The following MRRF variants were observed in gnomAD, a reference collection of about 807,000 sequenced individuals.
The protein encoded by MRRF is mitochondrial ribosome recycling factor, also known as ribosome-recycling factor, mitochondrial.
In MRRF, 18 loss-of-function variants were observed where a neutral mutation model predicts 25.1. The ratio of observed to expected loss-of-function variants is 0.72; its 90% CI spans 0.50 to 1.06. MRRF has a LOEUF of 1.06. Among genes scored for constraint, MRRF ranks in the 50% least tolerant of loss-of-function variants. The pLI is 0.00. For synonymous variants in MRRF, 113 were observed against 112.1 expected, an observed-to-expected ratio of 1.01 and a Z score of -0.05; for missense variants, 323 against 319.3, an observed-to-expected ratio of 1.01 and a Z score of -0.09.
intron 2 of MRRF, among the ~76,000 whole-genome samples, chr9:122,280,234 T>C (rs1833014730): frequency 2.0e-5 from 3 of 152,238 alleles, no homozygotes; most frequent in South Asian, 4.1e-4. Context: ...TGTCTGATTA[T>C]AAAGTGTGCC....
rs1389807381 is a variant in MRRF, at chr9:122,328,679, ACTTTTT to A, written c.*6067_*6072del. ...GTGATATGTTTAGTAGAACCCATTT[ACTTTTT>A]CTTTATTTTCAGTATTAACATAAGT... On this transcript the variant is annotated 3_prime_UTR_variant, in exon 7 of 7. Coordinates refer to ENST00000344641, the MANE Select transcript of MRRF (RefSeq NM_138777.5). 2.6e-5 allele frequency: 4 copies of A among 152,144 alleles called. No homozygotes were observed. Among genetic ancestry groups the A allele is most frequent in the African/African-American group, 9.7e-5 (4 of 41,442 alleles). 9.4% of individuals were successfully genotyped at this position (152,144 alleles called of 1,614,324 possible).
chr9:122,276,040 TGGGACTATA>T (rs1249884861), intron 2 of MRRF, among the ~76,000 whole-genome samples: 1 of 152,064 alleles, frequency 6.6e-6, no homozygotes, highest in East Asian at 1.9e-4. Context: ...CCCAAGTAGC[TGGGACTATA>T]GGCACTTGCC....
chr9:122,322,763 AG>A lies in MRRF; in HGVS notation c.*150del. ...CTGTCCTTGTAAGGCCCAGCCTTCCAGGGGAACACTCAGACATGTTCATTCT... is the reference window on the plus strand; with the variant it reads ...CTGTCCTTGTAAGGCCCAGCCTTCCAGGGAACACTCAGACATGTTCATTCT... On this transcript the variant is annotated 3_prime_UTR_variant, in exon 7 of 7. Coordinates refer to ENST00000344641, the MANE Select transcript of MRRF (RefSeq NM_138777.5). 2 of 751,694 alleles carry A rather than the reference AG, an allele frequency of 2.7e-6. No individual in the cohort carries two copies. The highest frequency in any genetic ancestry group is 1.7e-5 in the African/African-American group (1 of 57,814). 46.6% of individuals were successfully genotyped at this position (751,694 alleles called of 1,614,324 possible).
chr9:122,304,062 AACACACACACACAC>A (rs66775611), intron 5 of MRRF, among the ~76,000 whole-genome samples: 28 of 139,804 alleles, frequency 2.0e-4, no homozygotes, highest in East Asian at 1.0e-3. Flanking sequence ...ACCCTTTTCT[AACACACACACACAC>A]ACACACACAC....
chr9:122,286,216 A>G (rs2118747527), intron 4 of MRRF: 2 of 1,286,628 alleles, frequency 1.6e-6, no homozygotes, highest in Middle Eastern at 2.2e-4. Flanking sequence ...TTGTATTCCA[A>G]AGTCATAGAC....
intron 4 of MRRF, chr9:122,286,190 T>C (rs1833395629): frequency 7.8e-7 from 1 of 1,288,644 alleles, no homozygotes; most frequent in Non-Finnish European, 1.0e-6. Flanking sequence ...CCTGTTCTTA[T>C]TGTCTATTTC....
intron 4 of MRRF, chr9:122,285,714 C>T: frequency 8.3e-7 from 1 of 1,208,750 alleles, no homozygotes; most frequent in South Asian, 1.5e-5. Flanking sequence ...AAGCTAGTAA[C>T]ACAAATTTTT....
At chr9:122,304,824 A>C (rs73557035) in intron 5 of MRRF, among the ~76,000 whole-genome samples, 3,028 of 152,272 alleles carry the variant, frequency 0.02, 101 homozygotes, top group African/African-American at 0.064. Flanking sequence ...ACAAGAGAGG[A>C]AATAGAGCAG....
intron 5 of MRRF, among the ~76,000 whole-genome samples, chr9:122,305,140 C>G (rs1439956288): frequency 6.6e-6 from 1 of 152,088 alleles, no homozygotes; most frequent in Non-Finnish European, 1.5e-5. Context: ...GCTGGGCACT[C>G]TCTCTCACAC....
At chr9:122,276,943 C>T (rs932853704) in intron 2 of MRRF, among the ~76,000 whole-genome samples, 2 of 152,170 alleles carry the variant, frequency 1.3e-5, no homozygotes, top group African/African-American at 4.8e-5. Flanking sequence ...CCACTGCAAC[C>T]TTAATCTTCT....
At chr9:122,280,749 T>G in intron 3 of MRRF, 151 bp downstream of exon 3, 1 of 709,058 alleles carries the variant, frequency 1.4e-6, no homozygotes, top group Non-Finnish European at 2.4e-6. Flanking sequence ...CTTGTTTGAT[T>G]CTTAACTTAC....
At chr9:122,271,186 G>C in intron 2 of MRRF, 111 bp downstream of exon 2, 1 of 940,118 alleles carries the variant, frequency 1.1e-6, no homozygotes, top group Non-Finnish European at 1.8e-6. Context: ...GCTAACATGA[G>C]GAAATGGTGC....
intron 5 of MRRF, among the ~76,000 whole-genome samples, chr9:122,298,780 C>T (rs1382973260): frequency 6.6e-6 from 1 of 152,114 alleles, no homozygotes; most frequent in Non-Finnish European, 1.5e-5. Flanking sequence ...GTTAACAACA[C>T]ACACATATAG....
intron 6 of MRRF, among the ~76,000 whole-genome samples, chr9:122,314,746 AGG>A (rs1835410540): frequency 1.3e-5 from 2 of 152,306 alleles, no homozygotes; most frequent in South Asian, 4.1e-4. Context: ...GCAAGACTGG[AGG>A]CAGGGCGATA....
At position 122,266,749 on chromosome 9, in the gene MRRF, C is replaced by A. The variant is rs900066744; in HGVS notation, c.-29+1811C>A. Among the ~76,000 whole-genome samples, 3 of 152,138 alleles carry A rather than the reference C, an allele frequency of 2.0e-5. No individual in the cohort carries two copies. In the South Asian group the frequency reaches 6.2e-4, roughly 31 times the overall value. ...AACCTTCTGTGAAGAACAGGGAAATCGTTTGAGACCCTCAACTTTGGAAAA... is the reference window on the plus strand; with the variant it reads ...AACCTTCTGTGAAGAACAGGGAAATAGTTTGAGACCCTCAACTTTGGAAAA... On this transcript the variant is annotated intron_variant, in intron 1 of 6. Transcript: ENST00000344641.
chr9:122,279,674 A>G (rs1832978716), intron 2 of MRRF, among the ~76,000 whole-genome samples: 1 of 152,242 alleles, frequency 6.6e-6, no homozygotes, highest in Non-Finnish European at 1.5e-5. Flanking sequence ...TGATTTAGAC[A>G]TAAAATGAAA....
chr9:122,329,669 T>C lies in MRRF; in HGVS notation c.*7052T>C, dbSNP rs1836231592. 1 of 152,360 alleles carries C rather than the reference T, an allele frequency of 6.6e-6. No homozygotes were observed. The highest frequency in any genetic ancestry group is 2.1e-4 in the South Asian group (1 of 4,834). 9.4% of individuals were successfully genotyped at this position (152,360 alleles called of 1,614,324 possible). A position where few individuals can be genotyped will look rare whatever the true frequency, so the allele number is the denominator to read the frequency against. On this transcript the variant is annotated 3_prime_UTR_variant, in exon 7 of 7. Coordinates refer to ENST00000344641, the MANE Select transcript of MRRF (RefSeq NM_138777.5). ...TCACCAAGTCCTGTCAATTCTCCCTTCAACAGACCTTTCCTTTCCTTCCTG... is the reference window on the plus strand; with the variant it reads ...TCACCAAGTCCTGTCAATTCTCCCTCCAACAGACCTTTCCTTTCCTTCCTG...
At chr9:122,286,513 A>C (rs947534543) in intron 4 of MRRF, among the ~76,000 whole-genome samples, 2 of 152,128 alleles carry the variant, frequency 1.3e-5, no homozygotes, top group African/African-American at 4.8e-5. Context: ...AAGACCAGCC[A>C]GGGCAACATA....
At chr9:122,269,591 G>A (rs1164480664) in intron 1 of MRRF, among the ~76,000 whole-genome samples, 2 of 152,136 alleles carry the variant, frequency 1.3e-5, no homozygotes, top group African/African-American at 2.4e-5. Context: ...GCTGGGCATG[G>A]TGGCATGTGC....
Sources: gnomAD v4.1 joint callset for allele counts (sites outside exome capture counted in the v4.1 genomes callset) on GRCh38, gnomAD v4.1.1 for gene constraint, MANE v1.5 for transcripts, NCBI Gene and HGNC (gene_info 2026-07-23, HGNC 2026-07-21) for gene names.